The following CNIH3 variants were observed in gnomAD, a reference collection of about 807,000 sequenced individuals.
The protein encoded by CNIH3 is protein cornichon homolog 3.
Under a neutral mutation model 24.1 loss-of-function variants are expected in CNIH3, and 14 were observed. The ratio of observed to expected loss-of-function variants is 0.58; its 90% CI spans 0.38 to 0.91. The LOEUF (loss-of-function observed/expected upper bound fraction) is 0.91. Among genes scored for constraint, CNIH3 ranks in the 40% least tolerant of loss-of-function variants. The pLI is 0.00. For synonymous variants in CNIH3, 68 were observed against 73.8 expected (o/e 0.92, Z 0.40); for missense variants, 178 against 196.8 (o/e 0.90, Z 0.57).
chr1:224,663,202 C>T (rs1685443267), intron 1 of CNIH3, among the ~76,000 whole-genome samples: 1 of 152,102 alleles, frequency 6.6e-6, no homozygotes, highest in South Asian at 2.1e-4. Context: ...ATTCAAAGAC[C>T]TTCCAAGATG....
intron 3 of CNIH3, among the ~76,000 whole-genome samples, chr1:224,600,381 G>A (rs750247320): frequency 1.3e-4 from 19 of 151,952 alleles, no homozygotes; most frequent in Non-Finnish European, 1.9e-4. Context: ...TAGTAGAGAC[G>A]GTGTTTCTCC....
At chr1:224,613,190 G>A (rs1039353160), upstream of CNIH3, among the ~76,000 whole-genome samples, 12 of 152,014 alleles carry the variant, frequency 7.9e-5, no homozygotes, top group African/African-American at 2.4e-4. Flanking sequence ...TGTAGAGACC[G>A]GGTCTTAATT....
intron 1 of CNIH3, among the ~76,000 whole-genome samples, chr1:224,497,212 A>G (rs1677473941): frequency 6.6e-6 from 1 of 152,214 alleles, no homozygotes; most frequent in African/African-American, 2.4e-5. Context: ...TCAGGGAGAG[A>G]GGCATAGGGA....
At chr1:224,689,013 A>G (rs1686800945) in intron 3 of CNIH3, among the ~76,000 whole-genome samples, 1 of 151,984 alleles carries the variant, frequency 6.6e-6, no homozygotes, top group Non-Finnish European at 1.5e-5. Flanking sequence ...TCTGACCTAC[A>G]GTTTCTTCAG....
intron 4 of CNIH3, among the ~76,000 whole-genome samples, chr1:224,572,934 T>C (rs1284476415): frequency 6.6e-6 from 1 of 152,138 alleles, no homozygotes; most frequent in Non-Finnish European, 1.5e-5. Flanking sequence ...ATAACCTAGA[T>C]GAAATGAAAA....
intron 1 of CNIH3, among the ~76,000 whole-genome samples, chr1:224,618,997 G>C (rs907982595): frequency 6.6e-6 from 1 of 152,186 alleles, no homozygotes; most frequent in African/African-American, 2.4e-5. Context: ...AACTTTCTCA[G>C]CTTCTTTGGA....
At chr1:224,459,513 G>A (rs1185189772) in intron 1 of CNIH3, among the ~76,000 whole-genome samples, 2 of 152,126 alleles carry the variant, frequency 1.3e-5, no homozygotes, top group African/African-American at 4.8e-5. Flanking sequence ...TATCTTGGGC[G>A]AGGCATTTCT....
intron 3 of CNIH3, among the ~76,000 whole-genome samples, chr1:224,708,398 T>G (rs1372625964): frequency 6.6e-6 from 1 of 152,220 alleles, no homozygotes; most frequent in Non-Finnish European, 1.5e-5. Context: ...TCGTCTTCCT[T>G]GTTCTAAAAA....
chr1:224,578,552 A>G (rs1304933523), intron 4 of CNIH3, among the ~76,000 whole-genome samples: 1 of 152,006 alleles, frequency 6.6e-6, no homozygotes, highest in Non-Finnish European at 1.5e-5. Context: ...TGAGTCTCTC[A>G]TTTTGGTGAC....
At chr1:224,548,676 A>G (rs74146384) in intron 3 of CNIH3, among the ~76,000 whole-genome samples, 9,145 of 151,900 alleles carry the variant, frequency 0.06, 931 homozygotes, top group African/African-American at 0.21. Context: ...TACTGCCACT[A>G]TCATGATGGC....
chr1:224,739,144 G>A (rs1244282094), intron 5 of CNIH3, among the ~76,000 whole-genome samples, 185 bp from the exon 6 acceptor site: 1 of 152,056 alleles, frequency 6.6e-6, no homozygotes, highest in African/African-American at 2.4e-5. Flanking sequence ...TTATTCCAGT[G>A]TTGTGGGAAG....
At chr1:224,585,684 T>C (rs1229862030) in intron 5 of CNIH3, among the ~76,000 whole-genome samples, 1 of 143,352 alleles carries the variant, frequency 7.0e-6, no homozygotes, top group Non-Finnish European at 1.5e-5. Flanking sequence ...GGGGTCTCAC[T>C]ATGTTGCCCA....
intron 1 of CNIH3, among the ~76,000 whole-genome samples, chr1:224,470,937 G>A (rs961340739): frequency 7.9e-5 from 12 of 152,080 alleles, no homozygotes; most frequent in Non-Finnish European, 4.4e-5. Flanking sequence ...AGAATTTATC[G>A]TTTGTGTTAC....
chr1:224,440,942 G>A (rs7514575), intron 1 of CNIH3, among the ~76,000 whole-genome samples: 43,096 of 151,400 alleles, frequency 0.28, 7,613 homozygotes, highest in African/African-American at 0.49. Context: ...TCAGCCTCCC[G>A]AGTAGCTGGG....
intron 2 of CNIH3, among the ~76,000 whole-genome samples, chr1:224,535,214 G>T (rs775171816): frequency 6.6e-6 from 1 of 152,180 alleles, no homozygotes; most frequent in South Asian, 2.1e-4. Context: ...TAGACGCAGC[G>T]AGGAGAGCAT....
At chr1:224,486,691 C>T (rs894443524) in intron 1 of CNIH3, among the ~76,000 whole-genome samples, 1 of 152,260 alleles carries the variant, frequency 6.6e-6, no homozygotes, top group Middle Eastern at 3.4e-3. Flanking sequence ...GGCATCACAC[C>T]TCACTAGTTG....
At chr1:224,574,724 C>T in intron 4 of CNIH3, 1 of 1,193,994 alleles carries the variant, frequency 8.4e-7, no homozygotes, top group Non-Finnish European at 1.2e-6. Context: ...AGAAGATGCT[C>T]ATTGACCTGA....
chr1:224,506,505 G>C (rs896583605), intron 1 of CNIH3, among the ~76,000 whole-genome samples: 3 of 152,192 alleles, frequency 2.0e-5, no homozygotes, highest in Non-Finnish European at 2.9e-5. Context: ...CTGCTCAGTG[G>C]AGTTTTAGTC....
chr1:224,638,021 A>G (rs1480899061), intron 1 of CNIH3, among the ~76,000 whole-genome samples: 1 of 152,264 alleles, frequency 6.6e-6, no homozygotes, highest in Non-Finnish European at 1.5e-5. Flanking sequence ...TAATGTCTCC[A>G]ATATAGAAAG....
Sources: gnomAD v4.1 joint callset for allele counts (sites outside exome capture counted in the v4.1 genomes callset) on GRCh38, gnomAD v4.1.1 for gene constraint, MANE v1.5 for transcripts, NCBI Gene and HGNC (gene_info 2026-07-23, HGNC 2026-07-21) for gene names.